Variants in SPPL3 observed in about 807,000 individuals in gnomAD.
The protein encoded by SPPL3 is signal peptide peptidase like 3, also known as signal peptide peptidase-like 3.
A neutral mutation model predicts 42.4 loss-of-function variants in SPPL3; 5 were observed. The observed-to-expected ratio is 0.12, with a 90% CI of 0.06 to 0.25. The LOEUF is 0.25. Among genes scored for constraint, SPPL3 ranks in the 10% least tolerant of loss-of-function variants. The pLI is 1.00. For missense variants in SPPL3, 235 were observed against 489.0 expected, an observed-to-expected ratio of 0.48 and a Z score of 4.90; for synonymous variants, 195 against 181.8, an observed-to-expected ratio of 1.07 and a Z score of -0.58.
At chr12:120,891,976 C>T (rs1873657216) in intron 1 of SPPL3, among the ~76,000 whole-genome samples, 1 of 152,118 alleles carries the variant, frequency 6.6e-6, no homozygotes, top group Admixed American at 6.5e-5. Context: ...CCCTTTCTTT[C>T]TCTAGGTGTT....
At chr12:120,783,335 C>T (rs1186045096) in intron 5 of SPPL3, among the ~76,000 whole-genome samples, 2 of 152,076 alleles carry the variant, frequency 1.3e-5, no homozygotes, top group South Asian at 2.1e-4. Context: ...CAAAGAAGAA[C>T]GTTTGAGTTC....
At chr12:120,822,870 A>G (rs1871113002) in intron 1 of SPPL3, among the ~76,000 whole-genome samples, 1 of 152,118 alleles carries the variant, frequency 6.6e-6, no homozygotes, top group African/African-American at 2.4e-5. Context: ...ACCTCTGGTC[A>G]CTGTTCTGTC....
chr12:120,781,790 A>G (rs1184759743), intron 6 of SPPL3, among the ~76,000 whole-genome samples: 1 of 150,526 alleles, frequency 6.6e-6, no homozygotes, highest in Non-Finnish European at 1.5e-5. Context: ...CATTTTAGCC[A>G]TTTTAGCCAG....
intron 1 of SPPL3, among the ~76,000 whole-genome samples, chr12:120,868,121 T>G (rs1165769386): frequency 6.6e-6 from 1 of 152,106 alleles, no homozygotes; most frequent in African/African-American, 2.4e-5. Flanking sequence ...TTAAGCATGG[T>G]GGTGTGTACC....
At chr12:120,802,300 G>A (rs2136994499) in intron 2 of SPPL3, among the ~76,000 whole-genome samples, 1 of 150,138 alleles carries the variant, frequency 6.7e-6, no homozygotes, top group South Asian at 2.1e-4. Context: ...GTATTTAGCT[G>A]GCAACATAAT....
At chr12:120,768,613 A>G in intron 7 of SPPL3, 125 bp from the exon 8 acceptor site, 1 of 1,124,554 alleles carries the variant, frequency 8.9e-7, no homozygotes, top group Non-Finnish European at 1.3e-6. Context: ...CGTTGACTGT[A>G]TGATTTGAGA....
intron 1 of SPPL3, among the ~76,000 whole-genome samples, chr12:120,873,392 C>T (rs1255357797): frequency 6.6e-6 from 1 of 152,070 alleles, no homozygotes; most frequent in African/African-American, 2.4e-5. Flanking sequence ...GAAGAAATAA[C>T]GGCTGCAAAT....
intron 1 of SPPL3, among the ~76,000 whole-genome samples, chr12:120,901,590 TAAAAAAAAA>T (rs754148484): frequency 9.7e-6 from 1 of 103,448 alleles, no homozygotes; most frequent in Non-Finnish European, 1.8e-5. Flanking sequence ...GACTCCGTCC[TAAAAAAAAA>T]AAAAAAAAAA....
intron 1 of SPPL3, among the ~76,000 whole-genome samples, chr12:120,897,080 G>A (rs1257527544): frequency 6.6e-6 from 1 of 152,104 alleles, no homozygotes; most frequent in African/African-American, 2.4e-5. Context: ...TATGAATGAT[G>A]AGAACTAATT....
chr12:120,816,749 T>C (rs1018318980), intron 1 of SPPL3, among the ~76,000 whole-genome samples: 8 of 152,136 alleles, frequency 5.3e-5, no homozygotes, highest in African/African-American at 1.7e-4. Flanking sequence ...ATCTCTGTGA[T>C]TATTAGTGTT....
At chr12:120,773,986 G>T (rs976975632) in intron 6 of SPPL3, among the ~76,000 whole-genome samples, 2 of 152,212 alleles carry the variant, frequency 1.3e-5, no homozygotes, top group African/African-American at 2.4e-5. Flanking sequence ...CAAGGTCTGA[G>T]CATCCACCTG....
intron 1 of SPPL3, among the ~76,000 whole-genome samples, chr12:120,824,905 G>C (rs1356088304): frequency 1.3e-5 from 2 of 152,066 alleles, no homozygotes; most frequent in Non-Finnish European, 1.5e-5. Context: ...CATTTGAAAA[G>C]ACAATTTAAA....
chr12:120,880,946 A>AAC lies in SPPL3; in HGVS notation c.23+22897_23+22898dup, dbSNP rs201206684. Among the ~76,000 whole-genome samples the AAC allele has an allele frequency of 2.7e-5, 3 of 112,732 alleles. No homozygotes were observed. The East Asian group carries it at 8.7e-4, about 33-fold the overall frequency. The allele number at this position is 112,732 out of a possible 152,430, so 74.0% of individuals were successfully genotyped here. On this transcript the variant is annotated intron_variant, in intron 1 of 10. Coordinates refer to ENST00000353487, the MANE Select transcript of SPPL3 (RefSeq NM_139015.5). ...TCCAAAGATACACAAATGGTCAATAAACGTGAACAGATGCTCAGCATCACT... is the reference window on the plus strand; with the variant it reads ...TCCAAAGATACACAAATGGTCAATAAACACGTGAACAGATGCTCAGCATCACT...
In SPPL3 at chr12:120,766,391, A is replaced by G. The variant is rs1206056041; in HGVS notation, c.974-19T>C. 6.4e-7 allele frequency: 1 copy of G among 1,560,480 alleles called. No homozygotes were observed. The highest frequency in any genetic ancestry group is 1.4e-5 in the African/African-American group (1 of 74,050). On this transcript the variant is annotated intron_variant, in intron 9 of 10. Coordinates refer to ENST00000353487, the MANE Select transcript of SPPL3 (RefSeq NM_139015.5). ...AGCAGGCCTGTGAGGAGAGAGAGGC[A>G]TCTGTGAGACACGAGAGGGAACCCG...
At chr12:120,806,133 T>A (rs992833219) in intron 2 of SPPL3, among the ~76,000 whole-genome samples, 2 of 150,948 alleles carry the variant, frequency 1.3e-5, no homozygotes, top group African/African-American at 4.9e-5. Flanking sequence ...AATCAAAACA[T>A]TGGCACTGGC....
chr12:120,763,928 G>A lies in SPPL3; in HGVS notation c.*1071C>T, dbSNP rs1868768723. On this transcript the variant is annotated 3_prime_UTR_variant, in exon 11 of 11. Coordinates refer to ENST00000353487, the MANE Select transcript of SPPL3 (RefSeq NM_139015.5). ...AGAAAAATGTATTTACAAGTAGTAC[G>A]TTACTATGATGAGAAAGCACAAAGA... 6.6e-6 allele frequency: 1 copy of A among 151,674 alleles called. No individual in the cohort carries two copies. Among genetic ancestry groups the A allele is most frequent in the African/African-American group, 2.4e-5 (1 of 41,070 alleles). 9.4% of individuals were successfully genotyped at this position (151,674 alleles called of 1,614,324 possible).
At chr12:120,896,932 G>A (rs769019265) in intron 1 of SPPL3, among the ~76,000 whole-genome samples, 6 of 152,030 alleles carry the variant, frequency 3.9e-5, no homozygotes, top group Non-Finnish European at 7.3e-5. Flanking sequence ...TACTTATGGC[G>A]AACTGCCATG....
intron 1 of SPPL3, among the ~76,000 whole-genome samples, chr12:120,834,219 G>C (rs1374773006): frequency 6.6e-6 from 1 of 152,172 alleles, no homozygotes; most frequent in Non-Finnish European, 1.5e-5. Flanking sequence ...GAGAGAATGA[G>C]AATGTTTCAG....
chr12:120,878,204 T>TA (rs1210901290), intron 1 of SPPL3, among the ~76,000 whole-genome samples: 2 of 152,050 alleles, frequency 1.3e-5, no homozygotes, highest in Non-Finnish European at 2.9e-5. Flanking sequence ...ATGTAGTATT[T>TA]AAAAAACAAA....
Sources: allele counts gnomAD v4.1 joint callset (sites outside exome capture counted in the v4.1 genomes callset), GRCh38; gene constraint gnomAD v4.1.1; transcripts MANE v1.5; gene names NCBI Gene and HGNC (gene_info 2026-07-23, HGNC 2026-07-21).